The following TNRC6B variants were observed in gnomAD, a reference collection of about 807,000 sequenced individuals.
TNRC6B encodes the protein trinucleotide repeat containing adaptor 6B, also known as trinucleotide repeat-containing gene 6B protein.
In TNRC6B, 52 loss-of-function variants were observed where a neutral mutation model predicts 203.6. The observed-to-expected ratio is 0.26, with a 90% CI of 0.20 to 0.32. TNRC6B has a LOEUF of 0.32. TNRC6B is among the 10% of genes least tolerant of loss of function. The probability of loss-of-function intolerance (pLI) is 1.00; values close to 1 mark genes in which losing one functional copy is unlikely to be tolerated. For missense variants in TNRC6B, 1,923 were observed against 2,286.2 expected (o/e 0.84, Z 3.24); for synonymous variants, 838 against 845.7 (o/e 0.99, Z 0.16).
intron 1 of TNRC6B, among the ~76,000 whole-genome samples, chr22:40,075,572 ACCATCTTTGTTTTTTAATT>A (rs2068006087): frequency 6.6e-6 from 1 of 151,994 alleles, no homozygotes; most frequent in Non-Finnish European, 1.5e-5. Flanking sequence ...GTCCAATCTT[ACCATCTTTGTTTTTTAATT>A]GAAGTGTTTA....
At chr22:40,202,747 G>A (rs1416895018) in intron 1 of TNRC6B, among the ~76,000 whole-genome samples, 2 of 152,038 alleles carry the variant, frequency 1.3e-5, no homozygotes, top group Admixed American at 1.3e-4. Flanking sequence ...AGTGCCTGCT[G>A]GAAGAGGGCC....
chr22:40,299,022 C>T (rs1393486569), intron 12 of TNRC6B, among the ~76,000 whole-genome samples: 1 of 150,986 alleles, frequency 6.6e-6, no homozygotes, highest in African/African-American at 2.4e-5. Flanking sequence ...TACTTGTAAT[C>T]ACAACACTTT....
intron 1 of TNRC6B, among the ~76,000 whole-genome samples, chr22:40,243,687 C>A (rs1256158414): frequency 6.6e-6 from 1 of 152,000 alleles, no homozygotes. Flanking sequence ...CAGGTTCAAG[C>A]GATTTTCCCG....
chr22:40,119,819 A>T (rs1305793696), intron 2 of TNRC6B, among the ~76,000 whole-genome samples: 1 of 152,140 alleles, frequency 6.6e-6, no homozygotes, highest in Non-Finnish European at 1.5e-5. Context: ...TGCATTGCCT[A>T]CCTTACTTAC....
chr22:40,288,846 T>TC lies in TNRC6B; in HGVS notation c.3708+3076_3708+3077insC, dbSNP rs796982413. Among the ~76,000 whole-genome samples the TC allele has an allele frequency of 9.7e-3, 1,300 of 134,460 alleles. 21 individuals are homozygous for TC. The highest frequency in any genetic ancestry group is 0.035 in the African/African-American group (1,240 of 34,956). The allele number at this position is 134,460 out of a possible 152,430, so 88.2% of individuals were successfully genotyped here. A position where few individuals can be genotyped will look rare whatever the true frequency, so the allele number is the denominator to read the frequency against. On this transcript the variant is annotated intron_variant, in intron 12 of 22. Transcript: ENST00000454349. ...GTGAGCCACTGTGCCCAGCTTTTTT[T>TC]TTTTTTTTTTTTTGAGGCAGAGTCT...
rs1221149601 is a variant in TNRC6B, at chr22:40,265,592, G to A, written c.1362G>A (p.Glu454=). The part of the protein sequence containing the change: ...GNNGNNGKER[E]DSWKGASVQK... ...ATGGGAACAATGGAAAAGAGAGAGAGGACTCCTGGAAAGGAGCTTCTGTTC... is the reference window on the plus strand; with the variant it reads ...ATGGGAACAATGGAAAAGAGAGAGAAGACTCCTGGAAAGGAGCTTCTGTTC... The change falls in exon 5 of 23, where the codon GAG becomes GAA. Residue 454 remains glutamate, a synonymous_variant. Coordinates refer to ENST00000454349, the MANE Select transcript of TNRC6B (RefSeq NM_001162501.2). 3 of 1,613,624 alleles carry A rather than the reference G, an allele frequency of 1.9e-6. No individual in the cohort carries two copies. Among genetic ancestry groups the A allele is most frequent in the Non-Finnish European group, 1.7e-6 (2 of 1,179,790 alleles).
At chr22:40,307,241 A>G (rs6001872) in intron 15 of TNRC6B, among the ~76,000 whole-genome samples, 49,686 of 151,916 alleles carry the variant, frequency 0.33, 8,753 homozygotes, top group South Asian at 0.47. Flanking sequence ...ACACAACCTG[A>G]TCCCTTAGTG....
chr22:40,238,234 C>T (rs901509971), intron 1 of TNRC6B, among the ~76,000 whole-genome samples: 4 of 152,052 alleles, frequency 2.6e-5, no homozygotes, highest in East Asian at 1.9e-4. Flanking sequence ...CACACACACT[C>T]GACTCGCCGT....
At chr22:40,176,533 T>G (rs1051060608), upstream of TNRC6B, among the ~76,000 whole-genome samples, 3 of 152,138 alleles carry the variant, frequency 2.0e-5, no homozygotes, top group Non-Finnish European at 4.4e-5. Context: ...CCCTACATTT[T>G]TTATATTCAG....
chr22:40,195,558 C>T (rs900693984), intron 1 of TNRC6B, among the ~76,000 whole-genome samples: 2 of 151,558 alleles, frequency 1.3e-5, no homozygotes, highest in Non-Finnish European at 2.9e-5. Flanking sequence ...AAACTGGAGC[C>T]AAACAATACT....
At chr22:40,099,254 GAAAA>G (rs60507984) in intron 1 of TNRC6B, among the ~76,000 whole-genome samples, 1 of 121,560 alleles carries the variant, frequency 8.2e-6, no homozygotes, top group African/African-American at 2.9e-5. Context: ...ACTCTGTCTC[GAAAA>G]AAAAAAAAAG....
At chr22:40,215,205 T>G (rs538160151) in intron 1 of TNRC6B, among the ~76,000 whole-genome samples, 2 of 152,356 alleles carry the variant, frequency 1.3e-5, no homozygotes, top group East Asian at 3.9e-4. Context: ...ACTGGTGTCC[T>G]AGATCCGATA....
intron 1 of TNRC6B, among the ~76,000 whole-genome samples, chr22:40,102,144 A>AT (rs200012743): frequency 6.6e-6 from 1 of 152,336 alleles, no homozygotes; most frequent in Non-Finnish European, 1.5e-5. Flanking sequence ...ATATGAATAT[A>AT]TTTTTTTAAA....
chr22:40,323,512 A>G lies in TNRC6B; in HGVS notation c.*271A>G. ...TCATGAACGCCAACCTAGAAAGACA[A>G]TGTGAAGCAAGTACACATACCATTT... On this transcript the variant is annotated 3_prime_UTR_variant, in exon 23 of 23. Transcript: ENST00000454349. The G allele has an allele frequency of 3.0e-6, 1 of 338,378 alleles. No individual in the cohort carries two copies. Among genetic ancestry groups the G allele is most frequent in the Non-Finnish European group, 5.4e-6 (1 of 185,598 alleles). 21.0% of individuals were successfully genotyped at this position (338,378 alleles called of 1,614,324 possible). A position where few individuals can be genotyped will look rare whatever the true frequency, so the allele number is the denominator to read the frequency against.
At chr22:40,220,993 C>A (rs188847061) in intron 1 of TNRC6B, among the ~76,000 whole-genome samples, 1 of 152,154 alleles carries the variant, frequency 6.6e-6, no homozygotes, top group Non-Finnish European at 1.5e-5. Flanking sequence ...ATGCCTTTAG[C>A]CAGAAGGCTT....
intron 11 of TNRC6B, 85 bp downstream of exon 11, chr22:40,281,374 C>G: frequency 8.2e-7 from 1 of 1,217,880 alleles, no homozygotes. Flanking sequence ...ATTTGTCTGT[C>G]TTGGGAAATT....
rs9607692 is a variant in TNRC6B at position 40,170,795 on chromosome 22, A to G, written c.113+14613A>G. ...TACATATATGTACATATATGTGTGT[A>G]TATATACATATATGTACATATATGT... On this transcript the variant is annotated intron_variant, in intron 4 of 23. Transcript: ENST00000301923. Among the ~76,000 whole-genome samples the G allele has an allele frequency of 6.9e-3, 295 of 42,858 alleles. 3 individuals carry two copies. Among genetic ancestry groups the G allele is most frequent in the East Asian group, 0.045 (85 of 1,904 alleles). 28.1% of individuals were successfully genotyped at this position (42,858 alleles called of 152,430 possible). A position where few individuals can be genotyped will look rare whatever the true frequency, so the allele number is the denominator to read the frequency against.
intron 3 of TNRC6B, among the ~76,000 whole-genome samples, chr22:40,149,637 T>C (rs1412065106): frequency 7.9e-6 from 1 of 126,568 alleles, no homozygotes; most frequent in African/African-American, 3.1e-5. Context: ...GCCATTGCAC[T>C]ACAGCCTGGC....
At chr22:40,245,751 G>A (rs1326222830) in intron 1 of TNRC6B, among the ~76,000 whole-genome samples, 1 of 151,950 alleles carries the variant, frequency 6.6e-6, no homozygotes, top group African/African-American at 2.4e-5. Flanking sequence ...TATTCTTTTA[G>A]GTAGATATTA....
Sources: allele counts gnomAD v4.1 joint callset (sites outside exome capture counted in the v4.1 genomes callset), GRCh38; gene constraint gnomAD v4.1.1; transcripts MANE v1.5; gene names NCBI Gene and HGNC (gene_info 2026-07-23, HGNC 2026-07-21).